The following NRG1 variants were observed in gnomAD, a reference collection of about 807,000 sequenced individuals.
The protein encoded by NRG1 is neuregulin 1.
In NRG1, 18 loss-of-function variants were observed where a neutral mutation model predicts 63.8. The observed-to-expected ratio is 0.28, with a 90% CI of 0.19 to 0.42. NRG1 has a LOEUF of 0.42. NRG1 is among the 10% of genes least tolerant of loss of function. The pLI is 1.00. For missense variants in NRG1, 762 were observed against 814.7 expected (o/e 0.94, Z 0.79); for synonymous variants, 302 against 301.3 (o/e 1.00, Z -0.02).
At chr8:31,797,722 A>G (rs557507986) in intron 1 of NRG1, among the ~76,000 whole-genome samples, 2 of 152,318 alleles carry the variant, frequency 1.3e-5, no homozygotes, top group South Asian at 4.1e-4. Flanking sequence ...TTGCAGCACT[A>G]TTTATTTATT....
intron 1 of NRG1, among the ~76,000 whole-genome samples, chr8:31,871,307 C>G (rs1021133351): frequency 3.3e-5 from 5 of 152,114 alleles, no homozygotes; most frequent in African/African-American, 1.2e-4. Flanking sequence ...GCCAGACATT[C>G]TGTGACACGG....
intron 5 of NRG1, among the ~76,000 whole-genome samples, chr8:32,620,694 G>T (rs1848192032): frequency 6.6e-6 from 1 of 151,794 alleles, no homozygotes; most frequent in Admixed American, 6.6e-5. Context: ...CTTGGTGGCA[G>T]CCCTGAAGTC....
chr8:32,243,837 CCTCT>C (rs1334939726), intron 1 of NRG1, among the ~76,000 whole-genome samples: 5 of 152,068 alleles, frequency 3.3e-5, no homozygotes, highest in Non-Finnish European at 7.4e-5. Flanking sequence ...GCCAAAGCCT[CCTCT>C]CTCTCTGCCA....
chr8:31,721,478 C>T (rs561371283), intron 1 of NRG1, among the ~76,000 whole-genome samples: 2 of 152,120 alleles, frequency 1.3e-5, no homozygotes, highest in Non-Finnish European at 2.9e-5. Context: ...TTAAAACTTA[C>T]CTTTGGTCTG....
intron 1 of NRG1, among the ~76,000 whole-genome samples, chr8:32,269,396 G>A (rs1473138962): frequency 6.6e-6 from 1 of 152,134 alleles, no homozygotes; most frequent in Non-Finnish European, 1.5e-5. Flanking sequence ...GAACCCCTGG[G>A]AATTGTGAAT....
At chr8:32,189,547 T>A (rs1051179905) in intron 1 of NRG1, among the ~76,000 whole-genome samples, 2 of 152,204 alleles carry the variant, frequency 1.3e-5, no homozygotes, top group Non-Finnish European at 2.9e-5. Context: ...ATCTGTAGAA[T>A]GGACATAATA....
intron 1 of NRG1, among the ~76,000 whole-genome samples, chr8:32,580,241 A>T (rs1840400071): frequency 1.3e-5 from 2 of 152,144 alleles, no homozygotes. Context: ...ATATCTGTGA[A>T]GTCCCTTTTG....
chr8:32,721,591 A>G (rs17669617), intron 5 of NRG1, among the ~76,000 whole-genome samples: 28,570 of 152,110 alleles, frequency 0.19, 2,884 homozygotes, highest in Non-Finnish European at 0.22. Flanking sequence ...CAGTCACTGT[A>G]TTGGCTCTGG....
chr8:31,712,642 C>A (rs1811896311), intron 1 of NRG1, among the ~76,000 whole-genome samples: 1 of 152,164 alleles, frequency 6.6e-6, no homozygotes, highest in African/African-American at 2.4e-5. Context: ...TTAGACTTTT[C>A]ATTCTGTCAT....
chr8:32,698,045 A>C (rs1813809470), intron 5 of NRG1, among the ~76,000 whole-genome samples: 1 of 152,054 alleles, frequency 6.6e-6, no homozygotes, highest in Non-Finnish European at 1.5e-5. Context: ...ATCTCTACTA[A>C]AAATACAAAA....
chr8:31,680,009 T>G (rs1808151140), intron 1 of NRG1, among the ~76,000 whole-genome samples: 3 of 152,052 alleles, frequency 2.0e-5, no homozygotes, highest in Admixed American at 2.0e-4. Flanking sequence ...GGAAAAGACC[T>G]GTGTGGAGAA....
Position 32,412,441 on chromosome 8 carries a change from TATATATATATAC to T in NRG1, c.38-183375_38-183364del, listed in dbSNP as rs1461980667. On this transcript the variant is annotated intron_variant, in intron 1 of 10. Coordinates refer to the NRG1 transcript ENST00000519301. Reference sequence around the variant, plus strand: ...CTCTCTACATATATATATATATATATATATATATATACATATATATATATATATATATATGAA... The same window carrying T: ...CTCTCTACATATATATATATATATATATATATATATATATATATATATGAA... 2.9e-3 allele frequency among the ~76,000 whole-genome samples: 146 copies of T among 49,652 alleles called. 1 individual carries two copies. Among genetic ancestry groups the T allele is most frequent in the African/African-American group, 7.7e-3 (141 of 18,340 alleles). The allele number at this position is 49,652 out of a possible 152,430, so 32.6% of individuals were successfully genotyped here.
chr8:32,112,686 T>C (rs936294217), intron 1 of NRG1, among the ~76,000 whole-genome samples: 1 of 152,160 alleles, frequency 6.6e-6, no homozygotes, highest in Admixed American at 6.5e-5. Flanking sequence ...CAAAAGGGAA[T>C]AGCAGGAATT....
chr8:31,785,016 G>C (rs1820042790), intron 1 of NRG1, among the ~76,000 whole-genome samples: 1 of 152,138 alleles, frequency 6.6e-6, no homozygotes, highest in Non-Finnish European at 1.5e-5. Context: ...CAGGGACTCT[G>C]TTCATTCAGT....
At chr8:32,756,299 C>G (rs1449628240) in intron 8 of NRG1, 104 bp from the exon 9 acceptor site, 1 of 1,297,898 alleles carries the variant, frequency 7.7e-7, no homozygotes, top group Non-Finnish European at 1.1e-6. Flanking sequence ...CATCACCAGT[C>G]TACTGCCTTG....
chr8:32,153,192 C>T (rs545908510), intron 1 of NRG1, among the ~76,000 whole-genome samples: 10 of 152,104 alleles, frequency 6.6e-5, no homozygotes, highest in South Asian at 4.2e-4. Flanking sequence ...AGCAGAAGGC[C>T]GGTGGGAGTA....
intron 1 of NRG1, among the ~76,000 whole-genome samples, chr8:31,684,680 T>C (rs573672203): frequency 6.6e-6 from 1 of 152,236 alleles, no homozygotes; most frequent in Non-Finnish European, 1.5e-5. Context: ...TAGATCACTT[T>C]TTTTCAACGT....
intron 1 of NRG1, among the ~76,000 whole-genome samples, chr8:31,923,241 T>C (rs1415230151): frequency 2.0e-5 from 3 of 152,222 alleles, no homozygotes; most frequent in African/African-American, 7.2e-5. Flanking sequence ...TGTCAGATTT[T>C]TTTCTGCACC....
At chr8:31,701,847 G>A (rs1288629418) in intron 1 of NRG1, among the ~76,000 whole-genome samples, 3 of 152,102 alleles carry the variant, frequency 2.0e-5, no homozygotes, top group African/African-American at 7.2e-5. Flanking sequence ...AAATCACCTG[G>A]CAATCTTGTA....
Sources: allele counts gnomAD v4.1 joint callset (sites outside exome capture counted in the v4.1 genomes callset), GRCh38; gene constraint gnomAD v4.1.1; transcripts MANE v1.5; gene names NCBI Gene and HGNC (gene_info 2026-07-23, HGNC 2026-07-21).